Variants in EYS observed in about 807,000 individuals in gnomAD.
The protein encoded by EYS is protein eyes shut homolog.
A neutral mutation model predicts 282.1 loss-of-function variants in EYS; 250 were observed. The ratio of observed to expected loss-of-function variants is 0.89; its 90% confidence interval spans 0.80 to 0.98. The LOEUF (loss-of-function observed/expected upper bound fraction) is 0.98, where lower values mean the gene tolerates loss of function less well. Ranked by LOEUF, EYS falls within the 50% of genes least tolerant of loss-of-function variation. The pLI, the probability that EYS is intolerant of heterozygous loss-of-function variation, is 0.00. For missense variants in EYS, 4,016 were observed against 3,709.0 expected (o/e 1.08, Z -2.15); for synonymous variants, 1,355 against 1,282.9 (o/e 1.06, Z -1.20).
At chr6:64,901,855 T>C (rs2150071522) in intron 18 of EYS, among the ~76,000 whole-genome samples, 1 of 152,266 alleles carries the variant, frequency 6.6e-6, no homozygotes, top group East Asian at 1.9e-4. Context: ...GTTTTGCTTA[T>C]AATAACATGG....
chr6:65,167,501 G>C lies in EYS; in HGVS notation c.2024-109774C>G, dbSNP rs187148972. Among the ~76,000 whole-genome samples the C allele has an allele frequency of 1.7e-4, 25 of 151,294 alleles. No individual in the cohort carries two copies. In the East Asian group the frequency reaches 4.9e-3, roughly 30 times the overall value. ...TGTCTAAAAATACTTTTAAATTAAA[G>C]ATCACTTTCTCTTTGGTTTTCTGCA... On this transcript the variant is annotated intron_variant, in intron 12 of 42. Transcript: ENST00000503581.
chr6:64,672,766 TCTTC>T (rs1440170582), intron 22 of EYS, among the ~76,000 whole-genome samples: 1 of 152,158 alleles, frequency 6.6e-6, no homozygotes, highest in Non-Finnish European at 1.5e-5. Context: ...TCTTTGTGAC[TCTTC>T]CTGACAACCA....
At chr6:64,883,562 G>A (rs1274066010) in intron 19 of EYS, among the ~76,000 whole-genome samples, 1 of 151,316 alleles carries the variant, frequency 6.6e-6, no homozygotes, top group African/African-American at 2.4e-5. Context: ...ATATAATCGT[G>A]TCTAGTTAAG....
intron 16 of EYS, among the ~76,000 whole-genome samples, chr6:64,909,795 T>G (rs2150075364): frequency 6.6e-6 from 1 of 152,148 alleles, no homozygotes; most frequent in East Asian, 1.9e-4. Flanking sequence ...ATATTTTTAC[T>G]ATATATTTCA....
intron 35 of EYS, among the ~76,000 whole-genome samples, chr6:63,964,085 G>GT (rs562992892): frequency 3.7e-4 from 56 of 151,518 alleles, no homozygotes; most frequent in African/African-American, 1.1e-3. Flanking sequence ...AACAGTAACA[G>GT]TTTTTTTTTC....
chr6:65,578,498 G>C (rs1399779093), intron 2 of EYS, among the ~76,000 whole-genome samples: 1 of 151,700 alleles, frequency 6.6e-6, no homozygotes, highest in East Asian at 1.9e-4. Context: ...ATTTCAGTTA[G>C]AGAAATAAAT....
At chr6:64,845,956 G>A (rs992647382) in intron 19 of EYS, among the ~76,000 whole-genome samples, 6 of 151,984 alleles carry the variant, frequency 3.9e-5, no homozygotes, top group Admixed American at 3.9e-4. Context: ...TCCAGACCAG[G>A]CCTTCATTTT....
intron 11 of EYS, among the ~76,000 whole-genome samples, chr6:65,310,394 G>A (rs927542121): frequency 6.6e-6 from 1 of 151,950 alleles, no homozygotes; most frequent in Non-Finnish European, 1.5e-5. Flanking sequence ...TCTGGGATTA[G>A]TGGTGACCAG....
At chr6:64,747,751 A>T (rs1377698408) in intron 22 of EYS, among the ~76,000 whole-genome samples, 1 of 152,198 alleles carries the variant, frequency 6.6e-6, no homozygotes, top group Non-Finnish European at 1.5e-5. Context: ...GGGGAAAGAC[A>T]TAGCACATTC....
intron 37 of EYS, among the ~76,000 whole-genome samples, chr6:63,793,593 TG>T (rs1422063606): frequency 6.6e-6 from 1 of 152,244 alleles, no homozygotes; most frequent in Non-Finnish European, 1.5e-5. Flanking sequence ...AAAGACATTA[TG>T]GTGACTTTCT....
chr6:64,968,301 G>A (rs1770168790), intron 14 of EYS, among the ~76,000 whole-genome samples: 1 of 152,006 alleles, frequency 6.6e-6, no homozygotes. Flanking sequence ...CAGTGATGCA[G>A]TTGTTCTATA....
intron 18 of EYS, among the ~76,000 whole-genome samples, chr6:64,889,129 A>T (rs985302478): frequency 2.6e-5 from 4 of 151,810 alleles, no homozygotes; most frequent in Non-Finnish European, 4.4e-5. Context: ...AATTGTTTCA[A>T]TTTTTTTTAA....
chr6:65,268,483 T>C (rs964300435), intron 12 of EYS, among the ~76,000 whole-genome samples: 2 of 152,038 alleles, frequency 1.3e-5, no homozygotes, highest in African/African-American at 2.4e-5. Context: ...AAAATATATT[T>C]GAGAAAACAT....
intron 5 of EYS, among the ~76,000 whole-genome samples, chr6:65,483,673 C>CA (rs1765681386): frequency 6.6e-6 from 1 of 151,968 alleles, no homozygotes; most frequent in South Asian, 2.1e-4. Flanking sequence ...AAATATGTAT[C>CA]AAATAAAGAG....
At chr6:63,834,513 A>C (rs562605358) in intron 36 of EYS, among the ~76,000 whole-genome samples, 1 of 152,168 alleles carries the variant, frequency 6.6e-6, no homozygotes, top group African/African-American at 2.4e-5. Context: ...ATACCATCTC[A>C]CACCAGTTAG....
chr6:65,427,066 T>A (rs1767690880), intron 5 of EYS, among the ~76,000 whole-genome samples: 1 of 152,044 alleles, frequency 6.6e-6, no homozygotes, highest in Non-Finnish European at 1.5e-5. Flanking sequence ...TTCTCTATTA[T>A]AACCTTAAAT....
At chr6:64,107,285 T>TTATATATATATATATATATA (rs55756711) in intron 31 of EYS, among the ~76,000 whole-genome samples, 56 of 101,504 alleles carry the variant, frequency 5.5e-4, no homozygotes, top group Admixed American at 1.0e-3. Context: ...ATATATATAT[T>TTATATATATATATATATATA]TATATATATA....
Position 64,862,619 on chromosome 6 carries a change from A to T in EYS, c.2992+24078T>A, listed in dbSNP as rs929658494. On this transcript the variant is annotated intron_variant, in intron 19 of 42. Coordinates refer to ENST00000503581, the MANE Select transcript of EYS (RefSeq NM_001142800.2). ...AATAGTTCCAACATATGGAGTAATC[A>T]TTCAGTCTTGTTCTGTGGATTACTC... Among the ~76,000 whole-genome samples, 11 of 152,096 alleles carry T rather than the reference A, an allele frequency of 7.2e-5. No individual in the cohort carries two copies. The South Asian group carries it at 8.3e-4, about 11-fold the overall frequency.
chr6:64,520,478 G>A (rs1777699810), intron 26 of EYS, among the ~76,000 whole-genome samples: 1 of 151,674 alleles, frequency 6.6e-6, no homozygotes. Flanking sequence ...TTCTCTGTAG[G>A]GGGCCTGAGC....
Sources: allele counts gnomAD v4.1 joint callset (sites outside exome capture counted in the v4.1 genomes callset), GRCh38; gene constraint gnomAD v4.1.1; transcripts MANE v1.5; gene names NCBI Gene and HGNC (gene_info 2026-07-23, HGNC 2026-07-21).